Variants in FRAS1 observed in about 807,000 individuals in gnomAD.
FRAS1 encodes the protein Fraser extracellular matrix complex subunit 1.
FRAS1 carries 290 observed loss-of-function variants against 435.2 expected under a neutral mutation model. That is an observed-to-expected ratio of 0.67 (90% CI 0.61 to 0.73). The LOEUF (loss-of-function observed/expected upper bound fraction) is 0.73. Among genes scored for constraint, FRAS1 ranks in the 30% least tolerant of loss-of-function variants. The probability of loss-of-function intolerance (pLI) is 0.00; values close to 1 mark genes in which losing one functional copy is unlikely to be tolerated. For synonymous variants in FRAS1, 1,800 were observed against 1,851.0 expected (o/e 0.97, Z 0.71); for missense variants, 4,860 against 5,001.5 (o/e 0.97, Z 0.85).
rs1719030554 is a variant in FRAS1, at chr4:78,451,808, G to A, written c.6500G>A (p.Gly2167Glu). 6 of 1,612,578 alleles carry A rather than the reference G, an allele frequency of 3.7e-6. 1 individual carries two copies. Among genetic ancestry groups the A allele is most frequent in the Middle Eastern group, 1.6e-4 (1 of 6,080 alleles). The change falls in exon 46 of 74, where the codon GGA (glycine) becomes GAA (glutamate). Residue 2167 changes from glycine to glutamate, a missense_variant. Physicochemically the swap from Gly to Glu is moderately conservative, Grantham distance 98 (BLOSUM62 -2). Coordinates refer to ENST00000512123, the MANE Select transcript of FRAS1 (RefSeq NM_025074.7). Reference protein sequence around the residue: ...VEYSHGTGEPGGSFAFKFDVV... With the variant: ...VEYSHGTGEPEGSFAFKFDVV... ...TATAGTCATGGAACAGGAGAACCTG[G>A]AGGGAGCTTTGCTTTTAAATTTGAT...
intron 2 of FRAS1, among the ~76,000 whole-genome samples, chr4:78,090,164 G>A (rs1456087228): frequency 6.6e-6 from 1 of 152,186 alleles, no homozygotes; most frequent in African/African-American, 2.4e-5. Context: ...GCTGGAAAGA[G>A]CTTAAGTGTA....
At chr4:78,228,325 T>C (rs1464077788) in intron 2 of FRAS1, among the ~76,000 whole-genome samples, 1 of 152,202 alleles carries the variant, frequency 6.6e-6, no homozygotes, top group Non-Finnish European at 1.5e-5. Context: ...CATGTTTTAC[T>C]CATAATGGAA....
Position 78,218,096 on chromosome 4 carries a change from T to TCACACACA in FRAS1, c.109-19413_109-19412insACACACAC, listed in dbSNP as rs1331078788. Among the ~76,000 whole-genome samples the TCACACACA allele has an allele frequency of 9.9e-3, 106 of 10,720 alleles. 4 individuals are homozygous for TCACACACA. Among genetic ancestry groups the TCACACACA allele is most frequent in the Admixed American group, 0.014 (8 of 578 alleles). The allele number at this position is 10,720 out of a possible 152,430, so 7.0% of individuals were successfully genotyped here. A position where few individuals can be genotyped will look rare whatever the true frequency, so the allele number is the denominator to read the frequency against. ...TCCCTTCTCTCTCTCTCTCACTCTC[T>TCACACACA]CTCACACACACACACACACACACAC... is the stretch of plus-strand genomic sequence containing the variant. On this transcript the variant is annotated intron_variant, in intron 2 of 73. Coordinates refer to ENST00000512123, the MANE Select transcript of FRAS1 (RefSeq NM_025074.7).
chr4:78,413,070 A>G lies in FRAS1; in HGVS notation c.4410A>G (p.Ala1470=), dbSNP rs765455782. 1.9e-6 allele frequency: 3 copies of G among 1,603,564 alleles called. No homozygotes were observed. Among genetic ancestry groups the G allele is most frequent in the Middle Eastern group, 1.7e-4 (1 of 5,738 alleles). ...AAGCACCTAAAGTGTCTCTGGAAGC[A>G]TCTCTCCATATGACTGTGAGTTGGG... ...TPEAPKVSLE[A]SLHMTAREDG... The change falls in exon 32 of 74, where the codon GCA becomes GCG. Residue 1470 remains alanine, a synonymous_variant. Transcript: ENST00000512123.
Position 78,267,311 on chromosome 4 carries a change from A to G in FRAS1, c.860A>G (p.Tyr287Cys), listed in dbSNP as rs193116988. ...GTGTCTCCTGCCGGGAGCTGCTCCTATGATGGAGTTGTGCGGTACCAGGAC... is the reference window on the plus strand; with the variant it reads ...GTGTCTCCTGCCGGGAGCTGCTCCTGTGATGGAGTTGTGCGGTACCAGGAC... ...ECVSPAGSCS[Y>C]DGVVRYQDEM... is the part of the protein sequence containing the mutation. The change falls in exon 9 of 74, where the codon TAT (tyrosine) becomes TGT (cysteine). Residue 287 changes from tyrosine to cysteine, a missense_variant. By Grantham distance (194) the Tyr-to-Cys change is radical. Transcript: ENST00000512123. The G allele has an allele frequency of 2.2e-5, 35 of 1,613,814 alleles. No individual in the cohort carries two copies. The East Asian group carries it at 5.8e-4, about 27-fold the overall frequency.
At position 78,337,816 on chromosome 4, in the gene FRAS1, T is replaced by C. The variant is rs1397619767; in HGVS notation, c.2421T>C (p.Ala807=). The C allele has an allele frequency of 6.2e-7, 1 of 1,613,864 alleles. No homozygotes were observed. Among genetic ancestry groups the C allele is most frequent in the South Asian group, 1.1e-5 (1 of 91,070 alleles). ...EQFLNLVGYC[A]DCHHLCQHCA... is the part of the protein sequence containing the mutation. ...TCCTCAACCTCGTGGGATACTGTGC[T>C]GGTGAGTGAAACTCCTGTGGACTCC... Residue 807 remains alanine, a splice_region_variant and synonymous_variant, in exon 20 of 74, where the codon GCT becomes GCC. Coordinates refer to ENST00000512123, the MANE Select transcript of FRAS1 (RefSeq NM_025074.7).
chr4:78,223,603 A>G (rs1724144975), intron 2 of FRAS1, among the ~76,000 whole-genome samples: 1 of 152,124 alleles, frequency 6.6e-6, no homozygotes, highest in African/African-American at 2.4e-5. Context: ...AACATATGGT[A>G]TAGGTACTTC....
intron 34 of FRAS1, among the ~76,000 whole-genome samples, chr4:78,424,076 G>T (rs536553997): frequency 6.6e-6 from 1 of 152,254 alleles, no homozygotes; most frequent in East Asian, 1.9e-4. Flanking sequence ...CGACTCACCC[G>T]CATTCACCGA....
intron 1 of FRAS1, among the ~76,000 whole-genome samples, chr4:78,059,957 T>G (rs1739681294): frequency 6.6e-6 from 1 of 151,976 alleles, no homozygotes. Flanking sequence ...CTTTGCTTCT[T>G]ATTGTTTGAC....
At chr4:78,274,662 G>A (rs1726901970) in intron 9 of FRAS1, among the ~76,000 whole-genome samples, 1 of 152,180 alleles carries the variant, frequency 6.6e-6, no homozygotes, top group South Asian at 2.1e-4. Context: ...TAGTTTGATT[G>A]CACTGTGGTC....
intron 2 of FRAS1, among the ~76,000 whole-genome samples, chr4:78,109,367 C>T (rs1337953670): frequency 1.1e-4 from 16 of 141,334 alleles, no homozygotes; most frequent in South Asian, 9.6e-4. Context: ...ACTGGCAAAC[C>T]GAATCCAGCA....
chr4:78,191,231 G>A (rs2110063850), intron 2 of FRAS1, among the ~76,000 whole-genome samples: 1 of 152,306 alleles, frequency 6.6e-6, no homozygotes, highest in East Asian at 1.9e-4. Flanking sequence ...TACAGTGACT[G>A]TCAGGTTGCT....
chr4:78,120,856 G>T (rs115697939), intron 2 of FRAS1, among the ~76,000 whole-genome samples: 89 of 152,242 alleles, frequency 5.8e-4, no homozygotes, highest in African/African-American at 2.1e-3. Flanking sequence ...CCTAGGTTTG[G>T]ACCAAATCTG....
intron 16 of FRAS1, among the ~76,000 whole-genome samples, chr4:78,316,828 G>T (rs1729275837): frequency 6.6e-6 from 1 of 152,158 alleles, no homozygotes; most frequent in African/African-American, 2.4e-5. Context: ...AGAAAACTAG[G>T]CCAGGAGAGA....
chr4:78,143,499 T>C (rs1720275373), intron 2 of FRAS1, among the ~76,000 whole-genome samples: 1 of 152,178 alleles, frequency 6.6e-6, no homozygotes. Context: ...GTTCATAAAA[T>C]AGTGCATTTG....
chr4:78,333,173 A>T, intron 18 of FRAS1, 99 bp from the exon 19 acceptor site: 3 of 1,389,616 alleles, frequency 2.2e-6, no homozygotes. Context: ...AATGTACAGA[A>T]CATACTCTGA....
chr4:78,455,279 GCC>G (rs1719154318), intron 47 of FRAS1, among the ~76,000 whole-genome samples: 1 of 10,206 alleles, frequency 9.8e-5, no homozygotes, highest in African/African-American at 1.2e-3. Context: ...GTTTTTACAT[GCC>G]TCCCTTTGGA....
At chr4:78,068,124 T>C (rs1048927863) in intron 2 of FRAS1, among the ~76,000 whole-genome samples, 2 of 152,192 alleles carry the variant, frequency 1.3e-5, no homozygotes, top group Admixed American at 1.3e-4. Context: ...TGCTATTCTA[T>C]GCACTGGAAT....
intron 2 of FRAS1, among the ~76,000 whole-genome samples, chr4:78,208,017 C>A (rs1299118317): frequency 6.6e-6 from 1 of 152,160 alleles, no homozygotes; most frequent in Admixed American, 6.5e-5. Flanking sequence ...AACCCACATA[C>A]CCTCTGAAGG....
Sources: allele counts gnomAD v4.1 joint callset (sites outside exome capture counted in the v4.1 genomes callset), GRCh38; gene constraint gnomAD v4.1.1; transcripts MANE v1.5; gene names NCBI Gene and HGNC (gene_info 2026-07-23, HGNC 2026-07-21).